The following TMEM255B variants were observed in gnomAD, a reference collection of about 807,000 sequenced individuals.
The protein encoded by TMEM255B is family with sequence similarity 70, member B.
In TMEM255B, 35 loss-of-function variants were observed where a neutral mutation model predicts 34.5. That is an observed-to-expected ratio of 1.01 (90% CI 0.77 to 1.34). TMEM255B has a LOEUF of 1.34. Ranked by LOEUF, TMEM255B falls within the 40% of genes most tolerant of loss-of-function variation. The pLI is 0.00. For synonymous variants in TMEM255B, 206 were observed against 201.2 expected (o/e 1.02, Z -0.20); for missense variants, 432 against 433.2 (o/e 1.00, Z 0.02).
At chr13:113,797,369 C>T (rs952392673) in intron 4 of TMEM255B, among the ~76,000 whole-genome samples, 12 of 152,306 alleles carry the variant, frequency 7.9e-5, no homozygotes, top group South Asian at 4.1e-4. Flanking sequence ...GCTCTAAGGG[C>T]GTCATATGGG....
rs946597564 is a variant in TMEM255B at position 113,769,457 on chromosome 13, G to A, written c.252+297G>A. ...TCAGAGAATGCATGAAGTTTGGGACGGGGGTGGCAAATTAAATTAAGTCCT... is the reference window on the plus strand; with the variant it reads ...TCAGAGAATGCATGAAGTTTGGGACAGGGGTGGCAAATTAAATTAAGTCCT... On this transcript the variant is annotated intron_variant, in intron 3 of 8. Coordinates refer to ENST00000375353, the MANE Select transcript of TMEM255B (RefSeq NM_182614.4). The surrounding 1 kb of genome is among the most constrained non-coding windows in gnomAD (Gnocchi z 4.2). The A allele has an allele frequency of 5.3e-6, 2 of 375,872 alleles. No individual in the cohort carries two copies. The highest frequency in any genetic ancestry group is 9.9e-6 in the Non-Finnish European group (2 of 201,972). 23.3% of individuals were successfully genotyped at this position (375,872 alleles called of 1,614,324 possible). A position where few individuals can be genotyped will look rare whatever the true frequency, so the allele number is the denominator to read the frequency against.
intron 3 of TMEM255B, among the ~76,000 whole-genome samples, chr13:113,772,421 A>G (rs143795831): frequency 6.6e-6 from 1 of 152,246 alleles, no homozygotes; most frequent in African/African-American, 2.4e-5. Context: ...ATCTAAGGAC[A>G]TGAAGATTTA....
rs927869999 is a variant in TMEM255B, at chr13:113,814,496, C to T, written c.*2593C>T. 6.6e-6 allele frequency: 1 copy of T among 152,276 alleles called. No individual in the cohort carries two copies. Among genetic ancestry groups the T allele is most frequent in the African/African-American group, 2.4e-5 (1 of 41,474 alleles). The allele number at this position is 152,276 out of a possible 1,614,324, so 9.4% of individuals were successfully genotyped here. A position where few individuals can be genotyped will look rare whatever the true frequency, so the allele number is the denominator to read the frequency against. ...CCACAAAAATGTCCTTATCCTTTAT[C>T]CCAGCCACAAAGAATGTGAACAATT... On this transcript the variant is annotated 3_prime_UTR_variant, in exon 9 of 9. Coordinates refer to ENST00000375353, the MANE Select transcript of TMEM255B (RefSeq NM_182614.4).
At chr13:113,762,300 G>T (rs1045682800) in intron 1 of TMEM255B, among the ~76,000 whole-genome samples, 1 of 151,932 alleles carries the variant, frequency 6.6e-6, no homozygotes, top group African/African-American at 2.4e-5. Flanking sequence ...TGTGTTTAAG[G>T]TTGGGAGTCT....
At chr13:113,772,432 C>T (rs1344145858) in intron 3 of TMEM255B, among the ~76,000 whole-genome samples, 1 of 152,150 alleles carries the variant, frequency 6.6e-6, no homozygotes, top group Non-Finnish European at 1.5e-5. Context: ...TGAAGATTTA[C>T]CCCTAGATTT....
chr13:113,799,876 C>T lies in TMEM255B; in HGVS notation c.423+457C>T, dbSNP rs1033516416. 5.9e-5 allele frequency: 61 copies of T among 1,033,886 alleles called. No homozygotes were observed. The African/African-American group carries it at 7.5e-4, about 13-fold the overall frequency. 64.0% of individuals were successfully genotyped at this position (1,033,886 alleles called of 1,614,324 possible). On this transcript the variant is annotated intron_variant, in intron 5 of 8. Transcript: ENST00000375353. ...CGGCCGCCGCCTTCGCCAGGACCGT[C>T]GGAGGGCACAGCTCTGTGACGGCGC...
Position 113,766,153 on chromosome 13 carries a change from G to A in TMEM255B, c.85G>A (p.Val29Met), listed in dbSNP as rs374032024. 6.2e-7 allele frequency: 1 copy of A among 1,614,252 alleles called. No individual in the cohort carries two copies. Among genetic ancestry groups the A allele is most frequent in the Non-Finnish European group, 8.5e-7 (1 of 1,180,044 alleles). Residue 29 changes from valine (V) to methionine (M), a missense_variant, in exon 2 of 9, where the codon GTG becomes ATG. Coordinates refer to ENST00000375353, the MANE Select transcript of TMEM255B (RefSeq NM_182614.4). The part of the protein sequence containing the change: ...SRRKKTSLWF[V>M]GSLLLVSVLI... Reference sequence around the variant, plus strand: ...GAGGAAGAAGACGTCGCTCTGGTTTGTGGGGTCTCTGCTGCTGGTGTCCGT... The same window carrying A: ...GAGGAAGAAGACGTCGCTCTGGTTTATGGGGTCTCTGCTGCTGGTGTCCGT...
chr13:113,798,358 T>A (rs1181900406), intron 4 of TMEM255B, among the ~76,000 whole-genome samples: 1 of 150,704 alleles, frequency 6.6e-6, no homozygotes, highest in Non-Finnish European at 1.5e-5. Context: ...TGGATGTGGA[T>A]GAATAGAAGG....
intron 1 of TMEM255B, among the ~76,000 whole-genome samples, chr13:113,759,607 C>G (rs1417350753): frequency 6.6e-6 from 1 of 152,234 alleles, no homozygotes; most frequent in African/African-American, 2.4e-5. Flanking sequence ...CTTTGCCTTT[C>G]TCTGACTCTG....
intron 1 of TMEM255B, 42 bp from the exon 2 acceptor site, chr13:113,766,073 G>A (rs774633110): frequency 5.0e-6 from 8 of 1,610,890 alleles, no homozygotes; most frequent in Non-Finnish European, 5.9e-6. Flanking sequence ...GCCCTCCTGA[G>A]CCTGAGCCCT....
At position 113,804,991 on chromosome 13, in the gene TMEM255B, C is replaced by T; in HGVS notation, c.776C>T (p.Pro259Leu). ...AYAGFRLTPEPVPTCSSYPLP... is the reference protein window; with the variant it reads ...AYAGFRLTPELVPTCSSYPLP... The stretch of plus-strand genomic sequence containing the variant: ...GCAGGCTTCCGCCTGACGCCCGAGC[C>T]CGTCCCGACCTGCTCGTCCTACCCT... Residue 259 changes from proline (P) to leucine (L), a missense_variant, in exon 8 of 9, where the codon CCC (proline) becomes CTC (leucine). Transcript: ENST00000375353. The T allele has an allele frequency of 6.2e-7, 1 of 1,606,362 alleles. No individual in the cohort carries two copies. Among genetic ancestry groups the T allele is most frequent in the Admixed American group, 1.7e-5 (1 of 59,872 alleles).
At position 113,802,735 on chromosome 13, in the gene TMEM255B, C is replaced by T. The variant is rs1187845897; in HGVS notation, c.669+923C>T. 2.0e-5 allele frequency among the ~76,000 whole-genome samples: 3 copies of T among 148,552 alleles called. No individual in the cohort carries two copies. In the East Asian group the frequency reaches 5.8e-4, roughly 29 times the overall value. Reference sequence around the variant, plus strand: ...TCCTTTTCTCAACACTTTTGTGCTTCCAGACAAAACTGGTGAAGCTGAGAG... The same window carrying T: ...TCCTTTTCTCAACACTTTTGTGCTTTCAGACAAAACTGGTGAAGCTGAGAG... On this transcript the variant is annotated intron_variant, in intron 7 of 8. Coordinates refer to ENST00000375353, the MANE Select transcript of TMEM255B (RefSeq NM_182614.4).
At chr13:113,787,958 G>A (rs768567801) in intron 3 of TMEM255B, among the ~76,000 whole-genome samples, 15 of 144,812 alleles carry the variant, frequency 1.0e-4, no homozygotes, top group South Asian at 2.4e-4. Context: ...ACGGGGAGGA[G>A]GTGTTGAGAA....
chr13:113,805,051 G>A (rs779831906), intron 8 of TMEM255B, 23 bp downstream of exon 8: 6 of 1,580,944 alleles, frequency 3.8e-6, no homozygotes, highest in Non-Finnish European at 4.3e-6. Context: ...TCACCTGCTG[G>A]AGTTGGACGC....
chr13:113,761,121 G>T (rs886691351), intron 1 of TMEM255B: 3 of 926,974 alleles, frequency 3.2e-6, no homozygotes, highest in Non-Finnish European at 3.9e-6. Context: ...GTTTTACCTG[G>T]GATTGTTACT....
chr13:113,769,282 C>A lies in TMEM255B; in HGVS notation c.252+122C>A. The stretch of plus-strand genomic sequence containing the variant: ...AGCACACTGGTGTCTACAGGACCAG[C>A]TCTGAGGTTCCCGGGCTGTGGCCTG... On this transcript the variant is annotated intron_variant, in intron 3 of 8. Coordinates refer to ENST00000375353, the MANE Select transcript of TMEM255B (RefSeq NM_182614.4). This position sits in a 1 kb window ranked among gnomAD's most constrained non-coding sequence, Gnocchi z 4.2. 1.9e-6 allele frequency: 2 copies of A among 1,076,134 alleles called. No homozygotes were observed. The highest frequency in any genetic ancestry group is 2.8e-6 in the Non-Finnish European group (2 of 709,292). 66.7% of individuals were successfully genotyped at this position (1,076,134 alleles called of 1,614,324 possible). A position where few individuals can be genotyped will look rare whatever the true frequency, so the allele number is the denominator to read the frequency against.
chr13:113,780,497 C>T (rs757506912), intron 3 of TMEM255B, among the ~76,000 whole-genome samples: 2 of 152,168 alleles, frequency 1.3e-5, no homozygotes, highest in African/African-American at 2.4e-5. Context: ...GTCAATAGCT[C>T]GCAAGACGTT....
rs58074269 is a variant in TMEM255B, at chr13:113,759,544, CTCTCTGTCTCTG to C, written c.46+241_46+252del. Reference sequence around the variant, plus strand: ...TCATTCATTCTCTCTCCCTGTCTCTCTCTCTGTCTCTGTCTCTGTCTCTCTCGCTCTTTCTGT... The same window carrying C: ...TCATTCATTCTCTCTCCCTGTCTCTCTCTCTGTCTCTCTCGCTCTTTCTGT... On this transcript the variant is annotated intron_variant, in intron 1 of 8. Transcript: ENST00000375353. 7.8e-3 allele frequency among the ~76,000 whole-genome samples: 1,181 copies of C among 152,036 alleles called. 9 individuals are homozygous for C. Among genetic ancestry groups the C allele is most frequent in the African/African-American group, 0.027 (1,103 of 41,394 alleles).
At chr13:113,777,884 A>G (rs181325886) in intron 3 of TMEM255B, among the ~76,000 whole-genome samples, 17 of 152,076 alleles carry the variant, frequency 1.1e-4, no homozygotes, top group Admixed American at 3.9e-4. Context: ...GTCATTCACC[A>G]CCTGAAGCCA....
Sources: gnomAD v4.1 joint callset for allele counts (sites outside exome capture counted in the v4.1 genomes callset) on GRCh38, gnomAD v4.1.1 for gene constraint, Gnocchi (gnomAD v3.1) non-coding constraint, MANE v1.5 for transcripts, NCBI Gene and HGNC (gene_info 2026-07-23, HGNC 2026-07-21) for gene names.